MALRD1: variants seen among roughly 807,000 people sequenced by gnomAD.
MALRD1 encodes the protein MAM and LDL receptor class A domain containing 1, also known as MAM and LDL-receptor class A domain-containing protein 1.
Under a neutral mutation model 242.1 loss-of-function variants are expected in MALRD1, and 247 were observed. That is an observed-to-expected ratio of 1.02 (90% CI 0.92 to 1.13). The LOEUF (loss-of-function observed/expected upper bound fraction) is 1.13. Ranked by LOEUF, MALRD1 falls within the 50% of genes most tolerant of loss-of-function variation. The pLI is 0.00. For missense variants in MALRD1, 2,989 were observed against 2,533.1 expected (o/e 1.18, Z -3.86); for synonymous variants, 995 against 866.6 (o/e 1.15, Z -2.60).
chr10:19,203,607 C>A, intron 14 of MALRD1, 121 bp from the exon 15 acceptor site: 1 of 904,248 alleles, frequency 1.1e-6, no homozygotes. Context: ...GAAATGTGTC[C>A]CTCATTGCCC....
intron 32 of MALRD1, among the ~76,000 whole-genome samples, chr10:19,566,298 A>T (rs1589246839): frequency 9.0e-6 from 1 of 111,040 alleles, no homozygotes; most frequent in Non-Finnish European, 1.8e-5. Flanking sequence ...TGCCTGGCTA[A>T]TTTTTTTTTT....
In MALRD1 at chr10:19,124,607, A is replaced by C; in HGVS notation, c.880A>C (p.Lys294Gln). The stretch of plus-strand genomic sequence containing the variant: ...TGGCCAAATTTCCTGGATGCGCACA[A>C]AAGCGAGAGAGATCCCTGCATTCGA... Reference protein sequence around the residue: ...SAGQISWMRTKAREIPAFEST... With the variant: ...SAGQISWMRTQAREIPAFEST... The change falls in exon 7 of 40, where the codon AAA (lysine) becomes CAA (glutamine). Residue 294 changes from lysine to glutamine, a missense_variant. Lys to Gln is a moderately conservative substitution (Grantham distance 53, BLOSUM62 1). Coordinates refer to ENST00000454679, the MANE Select transcript of MALRD1 (RefSeq NM_001142308.3). The C allele has an allele frequency of 8.1e-7, 1 of 1,233,856 alleles. No individual in the cohort carries two copies. The highest frequency in any genetic ancestry group is 1.0e-6 in the Non-Finnish European group (1 of 988,112). The allele number at this position is 1,233,856 out of a possible 1,614,324, so 76.4% of individuals were successfully genotyped here.
chr10:19,594,541 T>A lies in MALRD1; in HGVS notation c.5681-653T>A, dbSNP rs1291962820. On this transcript the variant is annotated intron_variant, in intron 33 of 39. Transcript: ENST00000454679. ...AAAAAGACACATCCTTATGCATGTTTATAGCAGCACAATTCACAGTTGCAA... is the reference window on the plus strand; with the variant it reads ...AAAAAGACACATCCTTATGCATGTTAATAGCAGCACAATTCACAGTTGCAA... 3.3e-5 allele frequency among the ~76,000 whole-genome samples: 5 copies of A among 152,194 alleles called. No individual in the cohort carries two copies. The East Asian group carries it at 9.6e-4, about 29-fold the overall frequency.
At chr10:19,098,792 A>G (rs1836139176) in intron 4 of MALRD1, among the ~76,000 whole-genome samples, 1 of 152,184 alleles carries the variant, frequency 6.6e-6, no homozygotes, top group African/African-American at 2.4e-5. Context: ...TAGGTGAAAG[A>G]AAGAGAAGAG....
intron 29 of MALRD1, chr10:19,491,019 C>T (rs1564386688): frequency 5.1e-6 from 1 of 197,150 alleles, no homozygotes; most frequent in Non-Finnish European, 1.1e-5. Context: ...CAGAAATAGA[C>T]AGTTGCTTTA....
intron 32 of MALRD1, among the ~76,000 whole-genome samples, chr10:19,542,372 A>G (rs919194014): frequency 1.3e-5 from 2 of 152,090 alleles, no homozygotes; most frequent in African/African-American, 4.8e-5. Flanking sequence ...TCATTTAGAA[A>G]GCCATTTTCT....
At chr10:19,102,748 C>T (rs1008244477) in intron 4 of MALRD1, among the ~76,000 whole-genome samples, 1 of 152,122 alleles carries the variant, frequency 6.6e-6, no homozygotes, top group African/African-American at 2.4e-5. Context: ...ATTAGAAAAT[C>T]GGAGACTGGC....
intron 33 of MALRD1, among the ~76,000 whole-genome samples, chr10:19,586,516 G>A (rs1304568885): frequency 2.0e-5 from 3 of 152,154 alleles, no homozygotes; most frequent in Non-Finnish European, 4.4e-5. Context: ...TTGCTGGTGG[G>A]TCCCTCCCAG....
At chr10:19,109,919 G>T (rs892341013) in intron 5 of MALRD1, among the ~76,000 whole-genome samples, 2 of 152,190 alleles carry the variant, frequency 1.3e-5, no homozygotes, top group African/African-American at 2.4e-5. Context: ...TGTGGCAACT[G>T]ATCTTTGATG....
chr10:19,368,119 C>A (rs1845184767), intron 26 of MALRD1, among the ~76,000 whole-genome samples: 1 of 151,864 alleles, frequency 6.6e-6, no homozygotes, highest in African/African-American at 2.4e-5. Flanking sequence ...TATATAATCC[C>A]ATGTATTTAC....
chr10:19,376,085 G>A (rs970933844), intron 26 of MALRD1, among the ~76,000 whole-genome samples: 1 of 152,190 alleles, frequency 6.6e-6, no homozygotes, highest in African/African-American at 2.4e-5. Context: ...TTGCACCACT[G>A]TACTCCAGCC....
intron 36 of MALRD1, among the ~76,000 whole-genome samples, chr10:19,620,168 AT>A (rs888884737): frequency 9.9e-5 from 15 of 151,864 alleles, no homozygotes; most frequent in African/African-American, 2.2e-4. Flanking sequence ...TACATTTAAA[AT>A]TTTTTTTACT....
At chr10:19,054,166 G>A (rs900983733) in intron 1 of MALRD1, among the ~76,000 whole-genome samples, 1 of 152,038 alleles carries the variant, frequency 6.6e-6, no homozygotes, top group Non-Finnish European at 1.5e-5. Flanking sequence ...TTAAAAAAGT[G>A]TAAGTGTTAC....
chr10:19,456,115 G>T (rs1256891877), intron 29 of MALRD1, among the ~76,000 whole-genome samples: 1 of 151,964 alleles, frequency 6.6e-6, no homozygotes, highest in Admixed American at 6.5e-5. Context: ...AGATAATTTA[G>T]GGAACAGAGA....
At chr10:19,206,312 A>C (rs568190206) in intron 17 of MALRD1, among the ~76,000 whole-genome samples, 5 of 152,254 alleles carry the variant, frequency 3.3e-5, no homozygotes, top group Admixed American at 3.3e-4. Flanking sequence ...AGGCCTATTA[A>C]ACTCAGAATT....
intron 2 of MALRD1, among the ~76,000 whole-genome samples, chr10:19,069,603 T>C (rs1835079931): frequency 6.6e-6 from 1 of 151,970 alleles, no homozygotes; most frequent in Non-Finnish European, 1.5e-5. Context: ...TGTTAGTTTT[T>C]CCCCCTGAAA....
intron 8 of MALRD1, among the ~76,000 whole-genome samples, chr10:19,130,506 T>G (rs1833059455): frequency 6.6e-6 from 1 of 152,170 alleles, no homozygotes; most frequent in Admixed American, 6.6e-5. Context: ...GATAATTAAT[T>G]ATTTCATGAA....
intron 5 of MALRD1, among the ~76,000 whole-genome samples, chr10:19,113,653 CT>C (rs990917972): frequency 2.0e-5 from 3 of 150,902 alleles, no homozygotes; most frequent in African/African-American, 7.3e-5. Context: ...TTCTTTCTTT[CT>C]TTTTTTTCTT....
rs1459618198 is a variant in MALRD1, at chr10:19,123,435, T to C, written c.695-57T>C. ...GAATATTAACATTAAAGCAAAATAC[T>C]TGAGTCTTTCCAGTTGCACCTGCAT... On this transcript the variant is annotated intron_variant, in intron 5 of 39. Transcript: ENST00000454679. 1.2e-5 allele frequency: 12 copies of C among 1,013,150 alleles called. No homozygotes were observed. In the East Asian group the frequency reaches 3.3e-4, roughly 28 times the overall value. 62.8% of individuals were successfully genotyped at this position (1,013,150 alleles called of 1,614,324 possible). A position where few individuals can be genotyped will look rare whatever the true frequency, so the allele number is the denominator to read the frequency against.
Sources: gnomAD v4.1 joint callset for allele counts (sites outside exome capture counted in the v4.1 genomes callset) on GRCh38, gnomAD v4.1.1 for gene constraint, MANE v1.5 for transcripts, NCBI Gene and HGNC (gene_info 2026-07-23, HGNC 2026-07-21) for gene names.